UIMC1: variants seen among roughly 807,000 people sequenced by gnomAD.
The protein encoded by UIMC1 is ubiquitin interaction motif containing 1.
UIMC1 carries 42 observed loss-of-function variants against 84.9 expected under a neutral mutation model. The observed-to-expected ratio is 0.49, with a 90% CI of 0.39 to 0.64. The LOEUF (loss-of-function observed/expected upper bound fraction) is 0.64, where lower values mean the gene tolerates loss of function less well. Ranked by LOEUF, UIMC1 falls within the 30% of genes least tolerant of loss-of-function variation. The pLI is 0.00. For synonymous variants in UIMC1, 281 were observed against 293.0 expected (o/e 0.96, Z 0.42); for missense variants, 825 against 847.6 (o/e 0.97, Z 0.33).
intron 2 of UIMC1, among the ~76,000 whole-genome samples, chr5:176,978,081 CAGTT>C (rs1421288905): frequency 1.3e-5 from 2 of 151,846 alleles, no homozygotes; most frequent in Non-Finnish European, 2.9e-5. Context: ...TATTAAAACT[CAGTT>C]GGTAGGCCGG....
At chr5:177,019,032 A>G (rs1021257127) in intron 1 of UIMC1, among the ~76,000 whole-genome samples, 1 of 152,188 alleles carries the variant, frequency 6.6e-6, no homozygotes, top group South Asian at 2.1e-4. Flanking sequence ...CTTAAGATAA[A>G]TAAGTAGTTT....
intron 1 of UIMC1, among the ~76,000 whole-genome samples, chr5:176,997,140 ACT>A (rs35746808): frequency 0.43 from 64,439 of 151,462 alleles, 13,918 homozygotes; most frequent in East Asian, 0.48. Flanking sequence ...GTTATCTTTA[ACT>A]CTCTTTCCCT....
chr5:176,988,547 T>C (rs1178275289), intron 1 of UIMC1, among the ~76,000 whole-genome samples: 5 of 152,138 alleles, frequency 3.3e-5, no homozygotes, highest in Non-Finnish European at 7.3e-5. Flanking sequence ...GCTTAATGGA[T>C]ATAAGGTTTA....
chr5:176,972,488 C>A (rs1769396190), intron 3 of UIMC1, among the ~76,000 whole-genome samples: 1 of 151,974 alleles, frequency 6.6e-6, no homozygotes, highest in Admixed American at 6.6e-5. Flanking sequence ...GTAATCCCAG[C>A]ACTTTGGGAG....
intron 10 of UIMC1, among the ~76,000 whole-genome samples, chr5:176,938,341 C>T (rs779919711): frequency 5.3e-5 from 8 of 151,560 alleles, no homozygotes; most frequent in Non-Finnish European, 8.8e-5. Flanking sequence ...CCAGCACAAT[C>T]ACTAACTTCT....
chr5:176,908,195 T>G (rs1759654625), intron 12 of UIMC1, among the ~76,000 whole-genome samples: 1 of 152,088 alleles, frequency 6.6e-6, no homozygotes, highest in South Asian at 2.1e-4. Flanking sequence ...GGGAGAATAG[T>G]GTTAATTACA....
chr5:177,016,023 C>T lies in UIMC1; in HGVS notation c.-9+6441G>A, dbSNP rs73343918. Among the ~76,000 whole-genome samples the T allele has an allele frequency of 9.4e-3, 1,417 of 151,284 alleles. 24 individuals are homozygous for T. Among genetic ancestry groups the T allele is most frequent in the African/African-American group, 0.032 (1,326 of 41,190 alleles). ...CTGAGGGTGCAGTGAGCCGAGACCA[C>T]GCTACCACATTCCAGTCTGGGCAAC... On this transcript the variant is annotated intron_variant, in intron 1 of 5. Transcript: ENST00000509236.
chr5:176,906,971 A>T, intron 13 of UIMC1, 143 bp downstream of exon 13: 1 of 718,716 alleles, frequency 1.4e-6, no homozygotes, highest in Non-Finnish European at 2.3e-6. Flanking sequence ...AGGAGAGATG[A>T]CCTAGATTGA....
chr5:176,940,476 C>A (rs958517373), intron 10 of UIMC1, among the ~76,000 whole-genome samples: 4 of 152,082 alleles, frequency 2.6e-5, no homozygotes, highest in African/African-American at 9.7e-5. Flanking sequence ...GACTCAGATA[C>A]CCAATACCAG....
At chr5:177,010,069 A>G (rs1247194167), upstream of UIMC1, among the ~76,000 whole-genome samples, 3 of 151,800 alleles carry the variant, frequency 2.0e-5, no homozygotes. Flanking sequence ...GCAAACAAGT[A>G]GCCGCATGTG....
intron 1 of UIMC1, among the ~76,000 whole-genome samples, chr5:176,997,010 C>G (rs192568932): frequency 6.6e-6 from 1 of 152,030 alleles, no homozygotes; most frequent in Non-Finnish European, 1.5e-5. Context: ...CCCTGCTCAG[C>G]GGGATCTATG....
chr5:177,018,419 T>C (rs1775719137), intron 1 of UIMC1, among the ~76,000 whole-genome samples: 1 of 152,066 alleles, frequency 6.6e-6, no homozygotes, highest in South Asian at 2.1e-4. Flanking sequence ...TCTTAAGCAC[T>C]ATAGTTTCGT....
intron 11 of UIMC1, among the ~76,000 whole-genome samples, chr5:176,909,372 T>A (rs1260179917): frequency 1.3e-5 from 2 of 152,134 alleles, no homozygotes; most frequent in African/African-American, 4.8e-5. Context: ...AAGAAAAAAA[T>A]GAGTATTTAT....
intron 10 of UIMC1, 113 bp from the exon 11 acceptor site, chr5:176,911,502 A>G: frequency 1.7e-6 from 1 of 587,492 alleles, no homozygotes; most frequent in Admixed American, 4.0e-5. Flanking sequence ...TCCCACTGGA[A>G]GAAGTGCATT....
At chr5:176,985,886 C>G (rs1203515093) in intron 1 of UIMC1, among the ~76,000 whole-genome samples, 1 of 152,118 alleles carries the variant, frequency 6.6e-6, no homozygotes, top group Non-Finnish European at 1.5e-5. Context: ...AATCCCATAA[C>G]TAATAAGCTA....
At chr5:176,919,464 C>T (rs1003703560) in intron 10 of UIMC1, among the ~76,000 whole-genome samples, 1 of 152,120 alleles carries the variant, frequency 6.6e-6, no homozygotes, top group Non-Finnish European at 1.5e-5. Flanking sequence ...GAATCCACTG[C>T]CAAATCTAAG....
At chr5:176,966,882 A>G (rs2149480352) in intron 6 of UIMC1, among the ~76,000 whole-genome samples, 1 of 152,344 alleles carries the variant, frequency 6.6e-6, no homozygotes, top group South Asian at 2.1e-4. Context: ...AAATGATCAT[A>G]AGATCTAACA....
chr5:177,010,995 C>A (rs1775537240), upstream of UIMC1, among the ~76,000 whole-genome samples: 1 of 151,940 alleles, frequency 6.6e-6, no homozygotes, highest in Non-Finnish European at 1.5e-5. Context: ...GAGTTCGAGA[C>A]CAGCCTGGGC....
chr5:176,939,559 G>A (rs1244565683), intron 10 of UIMC1, among the ~76,000 whole-genome samples: 1 of 152,088 alleles, frequency 6.6e-6, no homozygotes, highest in Non-Finnish European at 1.5e-5. Context: ...ACAGTGTTCG[G>A]TACAGTAACA....
Sources: allele counts gnomAD v4.1 joint callset (sites outside exome capture counted in the v4.1 genomes callset), GRCh38; gene constraint gnomAD v4.1.1; transcripts MANE v1.5; gene names NCBI Gene and HGNC (gene_info 2026-07-23, HGNC 2026-07-21).